Variants in RASGRP3 observed in about 807,000 individuals in gnomAD.
The protein encoded by RASGRP3 is RAS guanyl releasing protein 3.
In RASGRP3, 54 loss-of-function variants were observed where a neutral mutation model predicts 82.7. The ratio of observed to expected loss-of-function variants is 0.65; its 90% CI spans 0.52 to 0.82. RASGRP3 has a LOEUF of 0.82. Ranked by LOEUF, RASGRP3 falls within the 40% of genes least tolerant of loss-of-function variation. The pLI, the probability that RASGRP3 is intolerant of heterozygous loss-of-function variation, is 0.00. For missense variants in RASGRP3, 861 were observed against 828.9 expected (o/e 1.04, Z -0.48); for synonymous variants, 309 against 300.5 (o/e 1.03, Z -0.29).
intron 1 of RASGRP3, among the ~76,000 whole-genome samples, chr2:33,483,337 G>A (rs569855709): frequency 7.2e-5 from 11 of 152,218 alleles, no homozygotes; most frequent in Middle Eastern, 3.4e-3. Flanking sequence ...TCATTATGCC[G>A]TTGATTTGCT....
At chr2:33,474,169 T>C (rs181955405), upstream of RASGRP3, among the ~76,000 whole-genome samples, 37 of 152,140 alleles carry the variant, frequency 2.4e-4, no homozygotes, top group African/African-American at 7.5e-4. Context: ...TTTACACTTA[T>C]GATGTAGTTT....
rs1364853923 is a variant in RASGRP3 at position 33,516,925 on chromosome 2, C to A, written c.173+281C>A. The A allele has an allele frequency of 1.1e-5, 3 of 264,048 alleles. No individual in the cohort carries two copies. The East Asian group carries it at 2.3e-4, about 20-fold the overall frequency. 16.4% of individuals were successfully genotyped at this position (264,048 alleles called of 1,614,324 possible). ...TGTTTCTAACTTGTCTTAAACATTT[C>A]TGTTATTAGAACAATGAGAGAATAT... On this transcript the variant is annotated intron_variant, in intron 4 of 17. Coordinates refer to ENST00000403687, the MANE Select transcript of RASGRP3 (RefSeq NM_001139488.2).
chr2:33,549,487 G>A, intron 13 of RASGRP3, 117 bp from the exon 14 acceptor site: 1 of 965,736 alleles, frequency 1.0e-6, no homozygotes, highest in Non-Finnish European at 1.5e-6. Flanking sequence ...ATAGAGAAGT[G>A]AATGTGCCTC....
At chr2:33,534,058 C>T in intron 10 of RASGRP3, 3 of 447,320 alleles carry the variant, frequency 6.7e-6, no homozygotes, top group South Asian at 6.4e-5. Context: ...ATCCGTGACT[C>T]AGCACTGAGC....
At chr2:33,472,824 C>A (rs141471846), upstream of RASGRP3, among the ~76,000 whole-genome samples, 2 of 142,598 alleles carry the variant, frequency 1.4e-5, no homozygotes, top group African/African-American at 5.2e-5. Context: ...CGCGGTGGGT[C>A]ACGCCTATAA....
upstream of RASGRP3, among the ~76,000 whole-genome samples, chr2:33,475,773 G>T (rs1418323764): frequency 1.3e-5 from 2 of 152,202 alleles, no homozygotes. Context: ...CATCAGGGAT[G>T]GTTTGCCACG....
At chr2:33,492,653 G>A (rs578054930) in intron 1 of RASGRP3, among the ~76,000 whole-genome samples, 1 of 152,224 alleles carries the variant, frequency 6.6e-6, no homozygotes, top group African/African-American at 2.4e-5. Context: ...ACAGGAAGAA[G>A]GTGGCCATCT....
At chr2:33,548,397 A>C (rs987001863) in intron 13 of RASGRP3, among the ~76,000 whole-genome samples, 6 of 150,406 alleles carry the variant, frequency 4.0e-5, no homozygotes, top group Non-Finnish European at 7.4e-5. Context: ...GGTAGAAAGA[A>C]AAGACATCTG....
At position 33,547,344 on chromosome 2, in the gene RASGRP3, T is replaced by C. The variant is rs950397313; in HGVS notation, c.1395-2260T>C. ...CGCAAGCTTGAGAATATAGAATCCT[T>C]TTTTTTTTTTTTTTTTTTTTTTTTT... On this transcript the variant is annotated intron_variant, in intron 13 of 17. Transcript: ENST00000403687. 2.4e-4 allele frequency among the ~76,000 whole-genome samples: 8 copies of C among 33,638 alleles called. No homozygotes were observed. In the South Asian group the frequency reaches 5.1e-3, roughly 22 times the overall value. 22.1% of individuals were successfully genotyped at this position (33,638 alleles called of 152,430 possible). A position where few individuals can be genotyped will look rare whatever the true frequency, so the allele number is the denominator to read the frequency against.
chr2:33,464,824 G>A (rs1574257631), intron 2 of RASGRP3, among the ~76,000 whole-genome samples: 1 of 152,158 alleles, frequency 6.6e-6, no homozygotes, highest in South Asian at 2.1e-4. Flanking sequence ...GCATTCCAAA[G>A]CACACCCATA....
At position 33,523,345 on chromosome 2, in the gene RASGRP3, G is replaced by T. The variant is rs1473747533; in HGVS notation, c.517-534G>T. ...CCAGGTGTGGCAGCTTGCACCTGTAGTCCCAGCTACTCAGGAGGCTGAGGC... is the reference window on the plus strand; with the variant it reads ...CCAGGTGTGGCAGCTTGCACCTGTATTCCCAGCTACTCAGGAGGCTGAGGC... On this transcript the variant is annotated intron_variant, in intron 7 of 17. Transcript: ENST00000403687. Among the ~76,000 whole-genome samples, 4 of 151,996 alleles carry T rather than the reference G, an allele frequency of 2.6e-5. No individual in the cohort carries two copies. In the East Asian group the frequency reaches 7.7e-4, roughly 29 times the overall value.
intron 2 of RASGRP3, among the ~76,000 whole-genome samples, chr2:33,453,857 A>G (rs13014054): frequency 0.34 from 51,078 of 152,140 alleles, 10,430 homozygotes; most frequent in Non-Finnish European, 0.45. Flanking sequence ...ATAAACATAT[A>G]TGATTTTTGA....
At chr2:33,549,487 G>C (rs1375597350) in intron 13 of RASGRP3, 117 bp from the exon 14 acceptor site, 5 of 965,618 alleles carry the variant, frequency 5.2e-6, no homozygotes, top group Admixed American at 2.7e-5. Flanking sequence ...ATAGAGAAGT[G>C]AATGTGCCTC....
chr2:33,459,602 G>C (rs1666247371), intron 2 of RASGRP3, among the ~76,000 whole-genome samples: 1 of 145,182 alleles, frequency 6.9e-6, no homozygotes, highest in Middle Eastern at 3.4e-3. Flanking sequence ...AGTGTGAACT[G>C]AGCTCAACTT....
intron 14 of RASGRP3, among the ~76,000 whole-genome samples, chr2:33,554,861 G>A (rs897883117): frequency 5.3e-5 from 8 of 152,106 alleles, no homozygotes; most frequent in East Asian, 1.9e-4. Context: ...CTGGGCAAAC[G>A]CTCCCTCGTG....
At chr2:33,561,847 C>T (rs1676695716) in intron 17 of RASGRP3, among the ~76,000 whole-genome samples, 1 of 152,066 alleles carries the variant, frequency 6.6e-6, no homozygotes, top group Non-Finnish European at 1.5e-5. Flanking sequence ...TGTCATCTCC[C>T]CAATGACCAC....
upstream of RASGRP3, chr2:33,476,456 C>A (rs746413988): frequency 6.6e-6 from 1 of 152,144 alleles, no homozygotes; most frequent in Non-Finnish European, 1.5e-5. Flanking sequence ...GTGGAATATC[C>A]CGCTCTGCAT....
At chr2:33,442,428 A>G (rs1379185701) in intron 1 of RASGRP3, among the ~76,000 whole-genome samples, 1 of 152,212 alleles carries the variant, frequency 6.6e-6, no homozygotes, top group Non-Finnish European at 1.5e-5. Flanking sequence ...TCCAGGATAA[A>G]TAAGCATGTA....
chr2:33,544,835 A>G (rs1026283210), intron 13 of RASGRP3, among the ~76,000 whole-genome samples: 2 of 151,408 alleles, frequency 1.3e-5, no homozygotes, highest in African/African-American at 4.9e-5. Context: ...GTCTCTAACT[A>G]TTTTTTTTTA....
Sources: gnomAD v4.1 joint callset for allele counts (sites outside exome capture counted in the v4.1 genomes callset) on GRCh38, gnomAD v4.1.1 for gene constraint, MANE v1.5 for transcripts, NCBI Gene and HGNC (gene_info 2026-07-23, HGNC 2026-07-21) for gene names.